OXSR1: variants seen among roughly 807,000 people sequenced by gnomAD.
The protein encoded by OXSR1 is oxidative stress responsive kinase 1, also known as serine/threonine-protein kinase OSR1.
Under a neutral mutation model 79.8 loss-of-function variants are expected in OXSR1, and 24 were observed. The observed-to-expected ratio is 0.30, with a 90% CI of 0.22 to 0.42. OXSR1 has a LOEUF of 0.42. OXSR1 is among the 10% of genes least tolerant of loss of function. OXSR1 has a pLI of 1.00. For synonymous variants in OXSR1, 226 were observed against 209.2 expected, an observed-to-expected ratio of 1.08 and a Z score of -0.69; for missense variants, 430 against 618.4, an observed-to-expected ratio of 0.70 and a Z score of 3.23.
Position 38,165,573 on chromosome 3 carries a change from A to AGGGGCTGGGGTGGAGGGCGGGACAGG in OXSR1, c.-295_-294insGTGGAGGGCGGGACAGGGGGGCTGGG. The AGGGGCTGGGGTGGAGGGCGGGACAGG allele has an allele frequency of 2.6e-6, 1 of 384,704 alleles. No homozygotes were observed. The allele number at this position is 384,704 out of a possible 1,614,324, so 23.8% of individuals were successfully genotyped here. A position where few individuals can be genotyped will look rare whatever the true frequency, so the allele number is the denominator to read the frequency against. ...GGGGCTGGGGTGGAGGGCGGGACAGAGGGGCTGGGCCCAGGCAAAGCTTCT... is the reference window on the plus strand; with the variant it reads ...GGGGCTGGGGTGGAGGGCGGGACAGAGGGGCTGGGGTGGAGGGCGGGACAGGGGGGCTGGGCCCAGGCAAAGCTTCT... On this transcript the variant is annotated 5_prime_UTR_variant, in exon 1 of 18. Transcript: ENST00000311806.
chr3:38,179,457 A>G (rs1172702362), intron 1 of OXSR1, among the ~76,000 whole-genome samples: 2 of 152,056 alleles, frequency 1.3e-5, no homozygotes, highest in South Asian at 2.1e-4. Context: ...GTGAGTCATT[A>G]TTTCTGGCCT....
intron 7 of OXSR1, 121 bp from the exon 8 acceptor site, chr3:38,224,450 C>A: frequency 1.4e-6 from 1 of 713,422 alleles, no homozygotes; most frequent in Non-Finnish European, 2.4e-6. Context: ...CAGATATGAA[C>A]TTACAGAAAA....
At chr3:38,220,390 A>G (rs1459286410) in intron 5 of OXSR1, among the ~76,000 whole-genome samples, 1 of 152,066 alleles carries the variant, frequency 6.6e-6, no homozygotes, top group Non-Finnish European at 1.5e-5. Context: ...TTCTGTTTTC[A>G]ATTTGAAAAT....
At chr3:38,225,725 T>C (rs1312621454) in intron 8 of OXSR1, among the ~76,000 whole-genome samples, 1 of 152,048 alleles carries the variant, frequency 6.6e-6, no homozygotes, top group Non-Finnish European at 1.5e-5. Flanking sequence ...ATGCCAGAAA[T>C]AATGAGGAAG....
intron 3 of OXSR1, among the ~76,000 whole-genome samples, chr3:38,194,206 A>G (rs919183860): frequency 4.6e-5 from 7 of 152,180 alleles, no homozygotes; most frequent in African/African-American, 1.7e-4. Flanking sequence ...TTGCAGTGAG[A>G]TTAACTAAAA....
In OXSR1 at chr3:38,198,802, A is replaced by G. The variant is rs949405988; in HGVS notation, c.373A>G (p.Thr125Ala). 4.3e-6 allele frequency: 7 copies of G among 1,613,200 alleles called. No individual in the cohort carries two copies. Among genetic ancestry groups the G allele is most frequent in the African/African-American group, 2.7e-5 (2 of 74,918 alleles). ...AGTCCTAGATGAATCTACCATTGCT[A>G]CGATACTCCGAGAAGTACTGGAAGG... is the stretch of plus-strand genomic sequence containing the variant. ...SGVLDESTIA[T>A]ILREVLEGLE... Residue 125 changes from threonine (T) to alanine (A), a missense_variant, in exon 4 of 18, where the codon ACG (threonine) becomes GCG (alanine). Transcript: ENST00000311806.
intron 4 of OXSR1, 78 bp from the exon 5 acceptor site, chr3:38,216,018 T>C: frequency 1.2e-6 from 1 of 821,048 alleles, no homozygotes; most frequent in Non-Finnish European, 2.0e-6. Flanking sequence ...TACATGAATA[T>C]AGTAAACAAT....
intron 1 of OXSR1, among the ~76,000 whole-genome samples, chr3:38,172,764 C>T (rs1423278992): frequency 6.6e-6 from 1 of 152,166 alleles, no homozygotes; most frequent in African/African-American, 2.4e-5. Context: ...GGCCAACAAC[C>T]TCATAGTGTT....
In OXSR1 at chr3:38,253,887, C is replaced by G; in HGVS notation, c.*996C>G. 1 of 276,784 alleles carries G rather than the reference C, an allele frequency of 3.6e-6. No individual in the cohort carries two copies. The allele number at this position is 276,784 out of a possible 1,614,324, so 17.1% of individuals were successfully genotyped here. A position where few individuals can be genotyped will look rare whatever the true frequency, so the allele number is the denominator to read the frequency against. ...CTTCTGCCTGCTCTCCTGCACTGAC[C>G]CTTTGGAGGGGGTCTCTGTGTGCTG... On this transcript the variant is annotated 3_prime_UTR_variant, in exon 18 of 18. Transcript: ENST00000311806.
chr3:38,237,081 TAGG>T (rs1702934228), intron 11 of OXSR1, 120 bp downstream of exon 11: 3 of 817,198 alleles, frequency 3.7e-6, no homozygotes, highest in Non-Finnish European at 5.6e-6. Context: ...TTATTAATAA[TAGG>T]AGCCCAGTTA....
intron 8 of OXSR1, among the ~76,000 whole-genome samples, chr3:38,226,045 A>G (rs779999291): frequency 1.3e-5 from 2 of 152,132 alleles, no homozygotes; most frequent in Admixed American, 6.5e-5. Context: ...TATACTCCCT[A>G]TGTTATCCAG....
intron 11 of OXSR1, among the ~76,000 whole-genome samples, chr3:38,240,137 A>G (rs187113970): frequency 6.6e-6 from 1 of 152,354 alleles, no homozygotes; most frequent in East Asian, 1.9e-4. Context: ...AAAGAATCCA[A>G]GTAACCTATG....
At chr3:38,208,984 G>GTA (rs758517946) in intron 4 of OXSR1, among the ~76,000 whole-genome samples, 55 of 127,434 alleles carry the variant, frequency 4.3e-4, no homozygotes, top group African/African-American at 1.8e-3. Flanking sequence ...GTGTGTGTGT[G>GTA]TGCGCGCGCG....
At chr3:38,184,954 G>GTTTTTTTTTTTTT (rs1559503629) in intron 2 of OXSR1, among the ~76,000 whole-genome samples, 2 of 96,226 alleles carry the variant, frequency 2.1e-5, no homozygotes, top group Non-Finnish European at 4.0e-5. Context: ...TTTTTTTTGG[G>GTTTTTTTTTTTTT]TTTCTTTGAG....
At chr3:38,251,552 C>T (rs1703257354) in intron 16 of OXSR1, 81 bp downstream of exon 16, 3 of 1,040,648 alleles carry the variant, frequency 2.9e-6, no homozygotes, top group Non-Finnish European at 4.6e-6. Context: ...TTTTTTATTC[C>T]ACTGAGTAGG....
At chr3:38,181,094 C>T (rs1701776144) in intron 1 of OXSR1, among the ~76,000 whole-genome samples, 2 of 151,854 alleles carry the variant, frequency 1.3e-5, no homozygotes, top group Non-Finnish European at 1.5e-5. Context: ...TATCATTATC[C>T]CACCATTCCC....
rs1021823020 is a variant in OXSR1, at chr3:38,165,893, G to C, written c.17G>C (p.Ser6Thr). 3.1e-6 allele frequency: 5 copies of C among 1,611,448 alleles called. No individual in the cohort carries two copies. The African/African-American group carries it at 6.7e-5, about 22-fold the overall frequency. Residue 6 changes from serine (S) to threonine (T), a missense_variant, in exon 1 of 18, where the codon AGC becomes ACC. By Grantham distance (58) the Ser-to-Thr change is moderately conservative. Transcript: ENST00000311806. ...GCCGCCGTCATGTCCGAGGACTCGAGCGCCCTGCCCTGGTCCATCAACAGG... is the reference window on the plus strand; with the variant it reads ...GCCGCCGTCATGTCCGAGGACTCGACCGCCCTGCCCTGGTCCATCAACAGG... MSEDS[S>T]ALPWSINRDD...
At chr3:38,239,465 G>T (rs1702983642) in intron 11 of OXSR1, among the ~76,000 whole-genome samples, 1 of 152,156 alleles carries the variant, frequency 6.6e-6, no homozygotes, top group Admixed American at 6.6e-5. Flanking sequence ...GTCTGTAGTA[G>T]TGTTCAGCCT....
At chr3:38,195,098 A>G (rs1402127800) in intron 3 of OXSR1, among the ~76,000 whole-genome samples, 2 of 152,222 alleles carry the variant, frequency 1.3e-5, no homozygotes, top group African/African-American at 4.8e-5. Context: ...TACTGCAGGA[A>G]GTTAAGCTTT....
Sources: gnomAD v4.1 joint callset for allele counts (sites outside exome capture counted in the v4.1 genomes callset) on GRCh38, gnomAD v4.1.1 for gene constraint, MANE v1.5 for transcripts, NCBI Gene and HGNC (gene_info 2026-07-23, HGNC 2026-07-21) for gene names.